The following MVB12B variants were observed in gnomAD, a reference collection of about 807,000 sequenced individuals.
MVB12B encodes the protein multivesicular body subunit 12B.
MVB12B carries 16 observed loss-of-function variants against 41.6 expected under a neutral mutation model. That is an observed-to-expected ratio of 0.38 (90% CI 0.26 to 0.58). The LOEUF is 0.58. Among genes scored for constraint, MVB12B ranks in the 20% least tolerant of loss-of-function variants. The probability of loss-of-function intolerance (pLI) is 0.62; values close to 1 mark genes in which losing one functional copy is unlikely to be tolerated. For missense variants in MVB12B, 274 were observed against 380.2 expected, an observed-to-expected ratio of 0.72 and a Z score of 2.32; for synonymous variants, 133 against 139.7, an observed-to-expected ratio of 0.95 and a Z score of 0.34.
chr9:126,347,470 G>A (rs924060934), intron 2 of MVB12B, among the ~76,000 whole-genome samples: 5 of 152,198 alleles, frequency 3.3e-5, no homozygotes, highest in Non-Finnish European at 7.3e-5. Context: ...TGCCCAAAAC[G>A]TAGTAGGAAT....
intron 1 of MVB12B, among the ~76,000 whole-genome samples, chr9:126,329,650 C>T (rs542578032): frequency 1.2e-4 from 18 of 152,160 alleles, no homozygotes; most frequent in South Asian, 4.1e-4. Context: ...TGGAAGTGCT[C>T]CATACTCAAA....
chr9:126,346,170 A>C (rs929387842), intron 2 of MVB12B, among the ~76,000 whole-genome samples: 1 of 152,176 alleles, frequency 6.6e-6, no homozygotes, highest in Non-Finnish European at 1.5e-5. Context: ...GTTGGCACGG[A>C]AAACCCTTCG....
rs1229656790 is a variant in MVB12B, at chr9:126,459,272, G to T, written c.758-22097G>T. On this transcript the variant is annotated intron_variant, in intron 7 of 9. Transcript: ENST00000361171. The surrounding 1 kb of genome is among the most constrained non-coding windows in gnomAD (Gnocchi z 4.3). Reference sequence around the variant, plus strand: ...GTGGTGCCAGTGCAGGCCTCCCCTTGACTGACACATGGCTCCCTTGCCTCT... The same window carrying T: ...GTGGTGCCAGTGCAGGCCTCCCCTTTACTGACACATGGCTCCCTTGCCTCT... Among the ~76,000 whole-genome samples the T allele has an allele frequency of 6.6e-6, 1 of 152,184 alleles. No homozygotes were observed. The highest frequency in any genetic ancestry group is 6.5e-5 in the Admixed American group (1 of 15,284).
At chr9:126,477,438 A>G (rs1399905918) in intron 7 of MVB12B, among the ~76,000 whole-genome samples, 1 of 152,222 alleles carries the variant, frequency 6.6e-6, no homozygotes, top group Non-Finnish European at 1.5e-5. Flanking sequence ...TACTGCTATG[A>G]AGAAATACCT....
intron 2 of MVB12B, among the ~76,000 whole-genome samples, chr9:126,352,984 G>A (rs779859335): frequency 3.3e-5 from 5 of 152,124 alleles, no homozygotes; most frequent in East Asian, 1.9e-4. Flanking sequence ...CTCAATTTTC[G>A]TAGTCCAGAT....
intron 1 of MVB12B, among the ~76,000 whole-genome samples, chr9:126,329,630 C>G (rs548896364): frequency 6.6e-6 from 1 of 152,202 alleles, no homozygotes; most frequent in Non-Finnish European, 1.5e-5. Flanking sequence ...GCCCCTCTGT[C>G]TGAGTTTGCT....
At chr9:126,449,327 C>T (rs571994724) in intron 7 of MVB12B, among the ~76,000 whole-genome samples, 5 of 152,312 alleles carry the variant, frequency 3.3e-5, no homozygotes, top group Non-Finnish European at 4.4e-5. Flanking sequence ...GCCGCAAGCA[C>T]GTATTGCAGT....
chr9:126,458,050 G>A (rs915133031), intron 7 of MVB12B, among the ~76,000 whole-genome samples: 2 of 152,184 alleles, frequency 1.3e-5, no homozygotes, highest in South Asian at 4.1e-4. Flanking sequence ...ACCGTCAGTA[G>A]CCCTGCACTC....
intron 7 of MVB12B, among the ~76,000 whole-genome samples, chr9:126,471,163 C>T (rs1358924119): frequency 6.6e-6 from 1 of 152,220 alleles, no homozygotes; most frequent in African/African-American, 2.4e-5. Context: ...CGACATAAAA[C>T]CGCAGCCTTG....
At position 126,502,972 on chromosome 9, in the gene MVB12B, C is replaced by T. The variant is rs563115256; in HGVS notation, c.874-205C>T. On this transcript the variant is annotated intron_variant, in intron 9 of 9. Coordinates refer to ENST00000361171, the MANE Select transcript of MVB12B (RefSeq NM_033446.3). ...CACAGGAGCCTGTCACCCCCGCAGG[C>T]GTGTCCACGCACACACGCCACATGC... Among the ~76,000 whole-genome samples, 52 of 152,346 alleles carry T rather than the reference C, an allele frequency of 3.4e-4. 1 individual carries two copies. Among genetic ancestry groups the T allele is most frequent in the Admixed American group, 3.2e-3 (49 of 15,308 alleles).
intron 1 of MVB12B, among the ~76,000 whole-genome samples, chr9:126,332,367 C>T (rs1470883104): frequency 2.0e-5 from 3 of 152,126 alleles, no homozygotes; most frequent in Non-Finnish European, 4.4e-5. Flanking sequence ...AGTCTCAGTC[C>T]CAGCCTGAAC....
intron 9 of MVB12B, among the ~76,000 whole-genome samples, chr9:126,500,103 C>T (rs1055757677): frequency 6.6e-6 from 1 of 152,202 alleles, no homozygotes; most frequent in Non-Finnish European, 1.5e-5. Flanking sequence ...TGTGGACACT[C>T]GGGCTGGGGC....
chr9:126,358,989 AT>A (rs775752947), intron 2 of MVB12B, among the ~76,000 whole-genome samples: 36 of 152,264 alleles, frequency 2.4e-4, no homozygotes, highest in Admixed American at 2.0e-3. Flanking sequence ...TCATACATGG[AT>A]ATTGAATTTC....
rs1488050834 is a variant in MVB12B, at chr9:126,484,306, TTTTTTAAAAGAAGTCTCAGC to T, written c.873+278_873+297del. On this transcript the variant is annotated intron_variant, in intron 9 of 9. Coordinates refer to ENST00000361171, the MANE Select transcript of MVB12B (RefSeq NM_033446.3). The stretch of plus-strand genomic sequence containing the variant: ...ATGACAGACAGAGCCTCAGTTCTCC[TTTTTTAAAAGAAGTCTCAGC>T]TTTGGGAAGGTGGAGGTTGGAGGAC... 2.0e-5 allele frequency among the ~76,000 whole-genome samples: 3 copies of T among 152,376 alleles called. No individual in the cohort carries two copies. The East Asian group carries it at 5.8e-4, about 29-fold the overall frequency.
At chr9:126,371,663 T>G (rs1417830427) in intron 2 of MVB12B, among the ~76,000 whole-genome samples, 1 of 152,226 alleles carries the variant, frequency 6.6e-6, no homozygotes, top group East Asian at 1.9e-4. Context: ...CCATGCATTC[T>G]TTTCATGGTT....
chr9:126,453,762 GAC>G (rs776459368), intron 7 of MVB12B, among the ~76,000 whole-genome samples: 4 of 152,214 alleles, frequency 2.6e-5, no homozygotes, highest in Admixed American at 6.5e-5. Flanking sequence ...TCTTGCATGT[GAC>G]ACACAGCCTC....
At chr9:126,448,962 G>A (rs1832842569) in intron 7 of MVB12B, among the ~76,000 whole-genome samples, 1 of 152,218 alleles carries the variant, frequency 6.6e-6, no homozygotes, top group Admixed American at 6.5e-5. Flanking sequence ...CTTCCCTGAT[G>A]ATACTCCAGG....
chr9:126,479,209 C>T (rs1233620951), intron 7 of MVB12B, among the ~76,000 whole-genome samples: 1 of 152,102 alleles, frequency 6.6e-6, no homozygotes, highest in Non-Finnish European at 1.5e-5. Flanking sequence ...CTTTGTGACC[C>T]CAGCAAGCAC....
At chr9:126,497,254 A>AC (rs370551095) in intron 9 of MVB12B, among the ~76,000 whole-genome samples, 50 of 151,548 alleles carry the variant, frequency 3.3e-4, no homozygotes, top group African/African-American at 8.2e-4. Context: ...TTAGGGTGAG[A>AC]CCCCCCAGCT....
Sources: gnomAD v4.1 joint callset for allele counts (sites outside exome capture counted in the v4.1 genomes callset) on GRCh38, gnomAD v4.1.1 for gene constraint, Gnocchi (gnomAD v3.1) non-coding constraint, MANE v1.5 for transcripts, NCBI Gene and HGNC (gene_info 2026-07-23, HGNC 2026-07-21) for gene names.